The following MYRIP variants were observed in gnomAD, a reference collection of about 807,000 sequenced individuals.
MYRIP encodes rab effector MyRIP.
Under a neutral mutation model 98.0 loss-of-function variants are expected in MYRIP, and 49 were observed. That is an observed-to-expected ratio of 0.50 (90% CI 0.40 to 0.63). The LOEUF is 0.63. Ranked by LOEUF, MYRIP falls within the 30% of genes least tolerant of loss-of-function variation. The pLI, the probability that MYRIP is intolerant of heterozygous loss-of-function variation, is 0.00. For missense variants in MYRIP, 1,004 were observed against 1,058.2 expected (o/e 0.95, Z 0.71); for synonymous variants, 404 against 409.5 (o/e 0.99, Z 0.16).
intron 2 of MYRIP, among the ~76,000 whole-genome samples, chr3:39,959,358 T>A (rs1352808743): frequency 6.6e-6 from 1 of 152,062 alleles, no homozygotes; most frequent in Non-Finnish European, 1.5e-5. Context: ...AAAGGATGAG[T>A]TCATGTCCTT....
chr3:40,212,486 C>T (rs576075185), intron 11 of MYRIP, among the ~76,000 whole-genome samples: 4 of 152,130 alleles, frequency 2.6e-5, no homozygotes, highest in South Asian at 2.1e-4. Context: ...GAAGCATAAT[C>T]GCCCAGGCGC....
At chr3:39,867,159 C>A (rs1575321278) in intron 1 of MYRIP, among the ~76,000 whole-genome samples, 1 of 152,168 alleles carries the variant, frequency 6.6e-6, no homozygotes, top group Non-Finnish European at 1.5e-5. Context: ...CTCTCTTACA[C>A]TACTTGGAAA....
chr3:40,008,261 T>C (rs926351616), intron 2 of MYRIP, among the ~76,000 whole-genome samples: 5 of 152,232 alleles, frequency 3.3e-5, no homozygotes, highest in African/African-American at 1.2e-4. Flanking sequence ...ACATAAATTA[T>C]GTAGGATCCA....
In MYRIP at chr3:40,189,667, C is replaced by T. The variant is rs1002256551; in HGVS notation, c.1028-159C>T. On this transcript the variant is annotated intron_variant, in intron 9 of 16. Transcript: ENST00000302541. Reference sequence around the variant, plus strand: ...AAGAGATTCCTTGGGGAACTTTGAACTCTGCCCACCAATTGGGTTTGCCTT... The same window carrying T: ...AAGAGATTCCTTGGGGAACTTTGAATTCTGCCCACCAATTGGGTTTGCCTT... Among the ~76,000 whole-genome samples, 3 of 152,242 alleles carry T rather than the reference C, an allele frequency of 2.0e-5. No homozygotes were observed. The East Asian group carries it at 5.8e-4, about 29-fold the overall frequency.
intron 9 of MYRIP, among the ~76,000 whole-genome samples, chr3:40,189,578 G>T (rs1951142125): frequency 6.6e-6 from 1 of 152,176 alleles, no homozygotes; most frequent in Non-Finnish European, 1.5e-5. Context: ...CTGGTAGACT[G>T]AAATAGGAGC....
intron 3 of MYRIP, among the ~76,000 whole-genome samples, chr3:40,054,839 C>T (rs539128340): frequency 3.9e-5 from 6 of 152,266 alleles, no homozygotes; most frequent in Admixed American, 3.3e-4. Flanking sequence ...CATCGTCTGC[C>T]GCAAGGCATA....
chr3:39,812,190 C>T (rs964485436), intron 1 of MYRIP, among the ~76,000 whole-genome samples: 19 of 152,188 alleles, frequency 1.2e-4, no homozygotes, highest in Non-Finnish European at 2.8e-4. Flanking sequence ...CTTCCCATTA[C>T]CCCTACCTAC....
chr3:39,966,244 T>C (rs988142934), intron 2 of MYRIP, among the ~76,000 whole-genome samples: 2 of 152,164 alleles, frequency 1.3e-5, no homozygotes, highest in Non-Finnish European at 2.9e-5. Flanking sequence ...CAGGCAGGCC[T>C]AAGCCCAGAA....
intron 2 of MYRIP, among the ~76,000 whole-genome samples, chr3:40,005,538 A>G (rs776968169): frequency 6.6e-6 from 1 of 152,276 alleles, no homozygotes; most frequent in Admixed American, 6.5e-5. Flanking sequence ...TCAAAATAAT[A>G]CAGATGAAAG....
At chr3:39,850,826 A>G (rs1049847163) in intron 1 of MYRIP, among the ~76,000 whole-genome samples, 1 of 152,220 alleles carries the variant, frequency 6.6e-6, no homozygotes, top group Non-Finnish European at 1.5e-5. Context: ...TTTACATAGT[A>G]GAGAGAGCAA....
rs9839719 is a variant in MYRIP, at chr3:39,943,483, G to A, written c.110+42557G>A. ...GAGCTGATGATAGCTGACCCAGGGT[G>A]GGCTTGGGATATCATGACTCCATAT... is the stretch of plus-strand genomic sequence containing the variant. On this transcript the variant is annotated intron_variant, in intron 2 of 16. Transcript: ENST00000302541. Among the ~76,000 whole-genome samples the A allele has an allele frequency of 1.8e-3, 277 of 152,156 alleles. 1 individual carries two copies. Among genetic ancestry groups the A allele is most frequent in the African/African-American group, 6.3e-3 (262 of 41,524 alleles).
chr3:40,029,407 G>T (rs1028446177), intron 2 of MYRIP, among the ~76,000 whole-genome samples: 1 of 152,124 alleles, frequency 6.6e-6, no homozygotes, highest in Admixed American at 6.6e-5. Flanking sequence ...TAAGTACCGG[G>T]CACTTCTATG....
At chr3:40,150,656 C>T (rs1459514071) in intron 3 of MYRIP, among the ~76,000 whole-genome samples, 1 of 152,162 alleles carries the variant, frequency 6.6e-6, no homozygotes, top group Non-Finnish European at 1.5e-5. Flanking sequence ...GGATGGTTCT[C>T]CTGGTCGCAT....
intron 1 of MYRIP, among the ~76,000 whole-genome samples, chr3:39,900,579 C>T (rs989619127): frequency 6.6e-6 from 1 of 151,840 alleles, no homozygotes; most frequent in African/African-American, 2.4e-5. Flanking sequence ...GATGATGAAA[C>T]TGGCAAATGA....
intron 10 of MYRIP, among the ~76,000 whole-genome samples, chr3:40,191,997 A>C (rs1575612959): frequency 6.6e-6 from 1 of 152,038 alleles, no homozygotes; most frequent in African/African-American, 2.4e-5. Context: ...GAGAAGAGGC[A>C]CTGCCTCTGC....
In MYRIP at chr3:40,018,481, A is replaced by C. The variant is rs1453860876; in HGVS notation, c.111-25569A>C. 2.6e-5 allele frequency among the ~76,000 whole-genome samples: 4 copies of C among 152,104 alleles called. No homozygotes were observed. In the East Asian group the frequency reaches 7.7e-4, roughly 29 times the overall value. ...TTCTGACTTTCTTCTTCCTCTCCAC[A>C]GTGTGTTCCCCTTATCATATGGGTT... On this transcript the variant is annotated intron_variant, in intron 2 of 16. Coordinates refer to ENST00000302541, the MANE Select transcript of MYRIP (RefSeq NM_015460.4).
At chr3:40,171,338 CAG>C (rs1048955907) in intron 8 of MYRIP, among the ~76,000 whole-genome samples, 15 of 152,212 alleles carry the variant, frequency 9.9e-5, no homozygotes, top group South Asian at 4.2e-4. Context: ...GCCTTTCCAG[CAG>C]AGAGTGGAAA....
chr3:40,128,483 C>T (rs1439101235), intron 3 of MYRIP, among the ~76,000 whole-genome samples: 1 of 152,212 alleles, frequency 6.6e-6, no homozygotes, highest in Non-Finnish European at 1.5e-5. Context: ...TAATGACCTC[C>T]ACCTTGCAGC....
rs1246257003 is a variant in MYRIP at position 40,257,865 on chromosome 3, C to T, written c.2548-269C>T. Among the ~76,000 whole-genome samples, 4 of 152,224 alleles carry T rather than the reference C, an allele frequency of 2.6e-5. No individual in the cohort carries two copies. The East Asian group carries it at 7.7e-4, about 29-fold the overall frequency. ...GAAGGTATGGATTATTAAACAAGAA[C>T]ACTGTGCTTGGAATACTGGACATTG... On this transcript the variant is annotated intron_variant, in intron 16 of 16. Coordinates refer to ENST00000302541, the MANE Select transcript of MYRIP (RefSeq NM_015460.4).
Sources: gnomAD v4.1 joint callset for allele counts (sites outside exome capture counted in the v4.1 genomes callset) on GRCh38, gnomAD v4.1.1 for gene constraint, MANE v1.5 for transcripts, NCBI Gene and HGNC (gene_info 2026-07-23, HGNC 2026-07-21) for gene names.